The following ATP8B4 variants were observed in gnomAD, a reference collection of about 807,000 sequenced individuals.
The protein encoded by ATP8B4 is ATPase phospholipid transporting 8B4 (putative), also known as probable phospholipid-transporting ATPase IM.
In ATP8B4, 133 loss-of-function variants were observed where a neutral mutation model predicts 145.6. The ratio of observed to expected loss-of-function variants is 0.91; its 90% CI spans 0.79 to 1.05. ATP8B4 has a LOEUF of 1.05. Among genes scored for constraint, ATP8B4 ranks in the 50% least tolerant of loss-of-function variants. The pLI is 0.00. For synonymous variants in ATP8B4, 507 were observed against 492.9 expected (o/e 1.03, Z -0.38); for missense variants, 1,458 against 1,425.2 (o/e 1.02, Z -0.37).
chr15:50,137,088 A>G (rs1169637655), intron 1 of ATP8B4, among the ~76,000 whole-genome samples: 1 of 152,184 alleles, frequency 6.6e-6, no homozygotes, highest in African/African-American at 2.4e-5. Flanking sequence ...TGCATCAAGC[A>G]CTGTGCAAGA....
chr15:50,054,982 T>C (rs983242628), intron 3 of ATP8B4, among the ~76,000 whole-genome samples: 1 of 152,048 alleles, frequency 6.6e-6, no homozygotes, highest in South Asian at 2.1e-4. Flanking sequence ...CAAATTAGCT[T>C]AAGGCAAGTA....
chr15:50,150,755 T>C, intron 1 of ATP8B4, among the ~76,000 whole-genome samples: 1 of 152,186 alleles, frequency 6.6e-6, no homozygotes, highest in East Asian at 1.9e-4. Flanking sequence ...AAATAACAAA[T>C]ACAAAGTTTA....
At position 49,862,747 on chromosome 15, in the gene ATP8B4, G is replaced by T. The variant is rs186546891; in HGVS notation, c.3167-372C>A. ...TAGGATTACAGGCGTGAGCCACCAC[G>T]CCTGGCCAAGATCTTTTTTCAATGG... is the stretch of plus-strand genomic sequence containing the variant. On this transcript the variant is annotated intron_variant, in intron 26 of 27. Coordinates refer to ENST00000284509, the MANE Select transcript of ATP8B4 (RefSeq NM_024837.4). 1.9e-3 allele frequency among the ~76,000 whole-genome samples: 291 copies of T among 152,242 alleles called. 1 individual carries two copies. Among genetic ancestry groups the T allele is most frequent in the African/African-American group, 6.8e-3 (284 of 41,552 alleles).
At chr15:49,890,952 A>G (rs576711226) in intron 23 of ATP8B4, among the ~76,000 whole-genome samples, 1 of 152,304 alleles carries the variant, frequency 6.6e-6, no homozygotes, top group South Asian at 2.1e-4. Flanking sequence ...GCTATAGACA[A>G]TACTGCTAAG....
chr15:50,043,020 A>T (rs2051423006), intron 5 of ATP8B4, among the ~76,000 whole-genome samples: 1 of 152,226 alleles, frequency 6.6e-6, no homozygotes, highest in South Asian at 2.1e-4. Context: ...ATTTTATTAA[A>T]AATTATTAGC....
intron 15 of ATP8B4, among the ~76,000 whole-genome samples, chr15:49,933,450 G>A (rs955799083): frequency 4.6e-5 from 7 of 151,930 alleles, no homozygotes; most frequent in Admixed American, 6.6e-5. Flanking sequence ...TGGCCCAAGC[G>A]GTTTTGTTCT....
intron 3 of ATP8B4, among the ~76,000 whole-genome samples, chr15:50,069,695 TTTTTG>T (rs1202138642): frequency 6.6e-6 from 1 of 152,222 alleles, no homozygotes; most frequent in Non-Finnish European, 1.5e-5. Flanking sequence ...GTTGATTGTT[TTTTTG>T]TTTTATTTGT....
intron 2 of ATP8B4, among the ~76,000 whole-genome samples, chr15:50,075,100 G>A (rs946824260): frequency 2.0e-5 from 3 of 152,168 alleles, no homozygotes; most frequent in African/African-American, 7.2e-5. Flanking sequence ...GTGGTAAAAG[G>A]TGGAGGGATT....
At chr15:49,902,735 C>T (rs2038175153) in intron 20 of ATP8B4, among the ~76,000 whole-genome samples, 3 of 152,166 alleles carry the variant, frequency 2.0e-5, no homozygotes, top group Admixed American at 2.0e-4. Context: ...GAATCCTCCT[C>T]ACAGTCATGA....
chr15:49,954,479 T>A (rs985558413), intron 14 of ATP8B4, among the ~76,000 whole-genome samples: 3 of 151,906 alleles, frequency 2.0e-5, no homozygotes, highest in Admixed American at 2.0e-4. Context: ...ACTTAAATCA[T>A]CAAGCAAAAA....
chr15:49,971,771 G>A (rs551859221), intron 13 of ATP8B4, among the ~76,000 whole-genome samples: 199 of 152,268 alleles, frequency 1.3e-3, no homozygotes, highest in Middle Eastern at 0.01. Context: ...CCATTACTGG[G>A]TATATACCCA....
intron 18 of ATP8B4, among the ~76,000 whole-genome samples, chr15:49,919,660 G>T (rs1054035351): frequency 6.6e-6 from 1 of 151,964 alleles, no homozygotes; most frequent in Non-Finnish European, 1.5e-5. Context: ...CTCGTGATCC[G>T]CCCACCTCGG....
intron 11 of ATP8B4, among the ~76,000 whole-genome samples, chr15:49,980,732 T>A (rs915485777): frequency 3.9e-5 from 6 of 152,170 alleles, no homozygotes; most frequent in Non-Finnish European, 8.8e-5. Context: ...TGGGACCTTC[T>A]GTCCTAAAAG....
intron 25 of ATP8B4, 100 bp downstream of exon 25, chr15:49,876,178 T>C (rs2034387278): frequency 6.8e-7 from 1 of 1,463,314 alleles, no homozygotes; most frequent in Non-Finnish European, 9.2e-7. Flanking sequence ...AGTATTCCTT[T>C]AGGATTATTT....
chr15:50,098,484 A>G (rs958202193), intron 2 of ATP8B4, among the ~76,000 whole-genome samples: 2 of 151,456 alleles, frequency 1.3e-5, no homozygotes, highest in African/African-American at 2.4e-5. Context: ...AGGTATTGCT[A>G]TGTGGCCCAG....
chr15:50,043,177 G>A (rs555105557), intron 5 of ATP8B4, among the ~76,000 whole-genome samples: 31 of 152,164 alleles, frequency 2.0e-4, no homozygotes, highest in Non-Finnish European at 4.0e-4. Context: ...AGTTATTGAG[G>A]GGGCACATGC....
intron 1 of ATP8B4, among the ~76,000 whole-genome samples, chr15:50,146,723 G>A (rs567747132): frequency 7.9e-5 from 12 of 152,164 alleles, no homozygotes; most frequent in Admixed American, 2.6e-4. Flanking sequence ...GGTTTGAAGC[G>A]TGAGTAAAGC....
intron 17 of ATP8B4, among the ~76,000 whole-genome samples, chr15:49,921,681 C>T (rs551317878): frequency 2.0e-5 from 3 of 152,158 alleles, no homozygotes; most frequent in South Asian, 4.2e-4. Context: ...TATAATCAGG[C>T]GTAGGTTAAA....
chr15:49,860,043 T>C lies in ATP8B4; in HGVS notation c.*151A>G, dbSNP rs886578512. ...TTCCATAGCGCACACTCCTGTTTGATGGGCACTGGCAGTTGTCTGCCGCAG... is the reference window on the plus strand; with the variant it reads ...TTCCATAGCGCACACTCCTGTTTGACGGGCACTGGCAGTTGTCTGCCGCAG... On this transcript the variant is annotated 3_prime_UTR_variant, in exon 28 of 28. Transcript: ENST00000284509. 7.6e-6 allele frequency: 7 copies of C among 916,662 alleles called. No individual in the cohort carries two copies. The African/African-American group carries it at 1.2e-4, about 15-fold the overall frequency. The allele number at this position is 916,662 out of a possible 1,614,324, so 56.8% of individuals were successfully genotyped here. A position where few individuals can be genotyped will look rare whatever the true frequency, so the allele number is the denominator to read the frequency against.
Sources: gnomAD v4.1 joint callset for allele counts (sites outside exome capture counted in the v4.1 genomes callset) on GRCh38, gnomAD v4.1.1 for gene constraint, MANE v1.5 for transcripts, NCBI Gene and HGNC (gene_info 2026-07-23, HGNC 2026-07-21) for gene names.